The following MAP3K2 variants were observed in gnomAD, a reference collection of about 807,000 sequenced individuals.
MAP3K2 encodes MAP/ERK kinase kinase 2.
A neutral mutation model predicts 80.3 loss-of-function variants in MAP3K2; 24 were observed. The observed-to-expected ratio is 0.30, with a 90% CI of 0.22 to 0.42. The LOEUF (loss-of-function observed/expected upper bound fraction) is 0.42. Among genes scored for constraint, MAP3K2 ranks in the 10% least tolerant of loss-of-function variants. The probability of loss-of-function intolerance (pLI) is 1.00; values close to 1 mark genes in which losing one functional copy is unlikely to be tolerated. For missense variants in MAP3K2, 608 were observed against 750.1 expected, an observed-to-expected ratio of 0.81 and a Z score of 2.21; for synonymous variants, 244 against 253.7, an observed-to-expected ratio of 0.96 and a Z score of 0.36.
intron 1 of MAP3K2, among the ~76,000 whole-genome samples, chr2:127,363,944 C>T (rs903346329): frequency 6.6e-6 from 1 of 152,180 alleles, no homozygotes; most frequent in African/African-American, 2.4e-5. Flanking sequence ...GCAAGAGCCA[C>T]CAAGCCCAGC....
intron 5 of MAP3K2, among the ~76,000 whole-genome samples, chr2:127,333,731 T>C (rs1686309272): frequency 6.6e-6 from 1 of 152,038 alleles, no homozygotes; most frequent in Non-Finnish European, 1.5e-5. Context: ...ACAGAAATCC[T>C]TCAGAAAGCA....
At chr2:127,360,243 G>C (rs898686797) in intron 1 of MAP3K2, among the ~76,000 whole-genome samples, 4 of 152,058 alleles carry the variant, frequency 2.6e-5, no homozygotes, top group African/African-American at 7.2e-5. Context: ...CAATTATGCT[G>C]AGTGAAAGAA....
chr2:127,311,475 C>T (rs1014958656), intron 15 of MAP3K2, among the ~76,000 whole-genome samples: 16 of 152,130 alleles, frequency 1.1e-4, no homozygotes, highest in African/African-American at 3.9e-4. Context: ...AAACGGGTAG[C>T]CAGGCTCCAA....
At chr2:127,362,045 C>T (rs1686902020) in intron 1 of MAP3K2, among the ~76,000 whole-genome samples, 1 of 152,040 alleles carries the variant, frequency 6.6e-6, no homozygotes, top group Admixed American at 6.5e-5. Flanking sequence ...ATTGATTTTT[C>T]TCCTTTTTAA....
At chr2:127,320,464 A>G (rs1041184695) in intron 12 of MAP3K2, among the ~76,000 whole-genome samples, 7 of 152,120 alleles carry the variant, frequency 4.6e-5, no homozygotes, top group Admixed American at 4.6e-4. Flanking sequence ...AGAGGGAGGG[A>G]GAGAGAGAGA....
intron 1 of MAP3K2, among the ~76,000 whole-genome samples, chr2:127,361,109 C>T (rs1027768775): frequency 2.6e-5 from 4 of 151,898 alleles, no homozygotes; most frequent in Admixed American, 6.6e-5. Context: ...GTCAGGAGAT[C>T]GAGACCATCC....
intron 1 of MAP3K2, among the ~76,000 whole-genome samples, chr2:127,347,977 C>G (rs1302496706): frequency 6.6e-6 from 1 of 152,078 alleles, no homozygotes; most frequent in Admixed American, 6.5e-5. Context: ...CCCAAGAGAA[C>G]TGAAAGCACA....
chr2:127,377,872 A>G (rs2104898357), intron 1 of MAP3K2, among the ~76,000 whole-genome samples: 2 of 152,322 alleles, frequency 1.3e-5, no homozygotes. Context: ...GACTACCAAG[A>G]TAATACAGAT....
intron 1 of MAP3K2, among the ~76,000 whole-genome samples, chr2:127,381,446 T>C (rs1687245007): frequency 6.6e-6 from 1 of 151,766 alleles, no homozygotes; most frequent in African/African-American, 2.4e-5. Flanking sequence ...TTTGAATACT[T>C]TGTTAAAATC....
At chr2:127,335,652 T>A (rs1411865006) in intron 5 of MAP3K2, among the ~76,000 whole-genome samples, 2 of 152,210 alleles carry the variant, frequency 1.3e-5, no homozygotes, top group African/African-American at 4.8e-5. Context: ...TCCCCTATAA[T>A]ACACCCTCAT....
At chr2:127,382,514 C>T (rs921068408) in intron 1 of MAP3K2, among the ~76,000 whole-genome samples, 2 of 152,128 alleles carry the variant, frequency 1.3e-5, no homozygotes, top group Non-Finnish European at 1.5e-5. Context: ...TTTTATTTCA[C>T]TTTTCATTGT....
intron 1 of MAP3K2, among the ~76,000 whole-genome samples, chr2:127,349,910 T>G (rs1326646189): frequency 2.0e-5 from 3 of 152,130 alleles, no homozygotes; most frequent in Non-Finnish European, 4.4e-5. Flanking sequence ...GGTCTTGCAC[T>G]GTCACCCAGG....
chr2:127,318,103 G>A, intron 13 of MAP3K2, 66 bp downstream of exon 13: 1 of 1,235,080 alleles, frequency 8.1e-7, no homozygotes, highest in Non-Finnish European at 1.1e-6. Flanking sequence ...GGGGCTTAAT[G>A]TTAAAAAATA....
intron 1 of MAP3K2, among the ~76,000 whole-genome samples, chr2:127,346,652 C>A (rs779245790): frequency 6.6e-6 from 1 of 152,082 alleles, no homozygotes; most frequent in Non-Finnish European, 1.5e-5. Flanking sequence ...TGGTTCAGCA[C>A]ATAAAATCCA....
chr2:127,345,588 A>G (rs138953157), intron 1 of MAP3K2, among the ~76,000 whole-genome samples: 2 of 152,348 alleles, frequency 1.3e-5, no homozygotes, highest in Non-Finnish European at 2.9e-5. Context: ...CTTCTCAAAT[A>G]CATATAGGAC....
chr2:127,338,346 T>C (rs1282731932), intron 3 of MAP3K2, among the ~76,000 whole-genome samples: 2 of 152,168 alleles, frequency 1.3e-5, no homozygotes, highest in African/African-American at 4.8e-5. Flanking sequence ...TTTTTTTAAC[T>C]TTTAAGTTCA....
At position 127,329,902 on chromosome 2, in the gene MAP3K2, T is replaced by G; in HGVS notation, c.466+19A>C. The G allele has an allele frequency of 7.3e-7, 1 of 1,366,042 alleles. No homozygotes were observed. Among genetic ancestry groups the G allele is most frequent in the Non-Finnish European group, 1.0e-6 (1 of 957,202 alleles). 84.6% of individuals were successfully genotyped at this position (1,366,042 alleles called of 1,614,324 possible). A position where few individuals can be genotyped will look rare whatever the true frequency, so the allele number is the denominator to read the frequency against. ...ATTGAGAAATCATTCATTTCATAAT[T>G]CAGACACTAGTTTCTTACCTATTAT... On this transcript the variant is annotated intron_variant, in intron 7 of 16. Transcript: ENST00000682094.
intron 12 of MAP3K2, among the ~76,000 whole-genome samples, chr2:127,319,068 G>C (rs956863049): frequency 1.3e-5 from 2 of 152,084 alleles, no homozygotes; most frequent in African/African-American, 4.8e-5. Context: ...TCCCTTGGTG[G>C]TCAAGGCCTG....
At chr2:127,382,308 T>A (rs1687260842) in intron 1 of MAP3K2, among the ~76,000 whole-genome samples, 1 of 152,234 alleles carries the variant, frequency 6.6e-6, no homozygotes, top group African/African-American at 2.4e-5. Context: ...GTCCATAGCT[T>A]AGTTTCAAAG....
Sources: allele counts gnomAD v4.1 joint callset (sites outside exome capture counted in the v4.1 genomes callset), GRCh38; gene constraint gnomAD v4.1.1; transcripts MANE v1.5; gene names NCBI Gene and HGNC (gene_info 2026-07-23, HGNC 2026-07-21).